The following VEPH1 variants were observed in gnomAD, a reference collection of about 807,000 sequenced individuals.
VEPH1 encodes ventricular zone expressed PH domain containing 1.
A neutral mutation model predicts 85.2 loss-of-function variants in VEPH1; 80 were observed. That is an observed-to-expected ratio of 0.94 (90% CI 0.78 to 1.13). The LOEUF (loss-of-function observed/expected upper bound fraction) is 1.13. VEPH1 is among the 50% of genes most tolerant of loss of function. VEPH1 has a pLI of 0.00. For missense variants in VEPH1, 955 were observed against 980.5 expected, an observed-to-expected ratio of 0.97 and a Z score of 0.35; for synonymous variants, 297 against 348.0, an observed-to-expected ratio of 0.85 and a Z score of 1.63.
At chr3:157,369,118 A>C (rs907425129) in intron 7 of VEPH1, among the ~76,000 whole-genome samples, 9 of 149,102 alleles carry the variant, frequency 6.0e-5, no homozygotes, top group South Asian at 2.1e-4. Flanking sequence ...AAACAACAAC[A>C]ACCACCACAA....
chr3:157,283,302 A>C (rs1286100007), intron 12 of VEPH1, among the ~76,000 whole-genome samples: 6 of 152,222 alleles, frequency 3.9e-5, no homozygotes, highest in Non-Finnish European at 8.8e-5. Context: ...TGACCTTGCG[A>C]AAATTACTTA....
intron 11 of VEPH1, among the ~76,000 whole-genome samples, chr3:157,289,681 G>A (rs567373154): frequency 4.5e-4 from 68 of 152,270 alleles, no homozygotes; most frequent in African/African-American, 1.5e-3. Context: ...ACCCTTCTGG[G>A]TCCTGCAGCT....
chr3:157,494,440 T>G (rs1577812804), intron 2 of VEPH1, among the ~76,000 whole-genome samples: 1 of 152,122 alleles, frequency 6.6e-6, no homozygotes, highest in East Asian at 1.9e-4. Context: ...CCAAGTACAA[T>G]CAAGAAGGTC....
chr3:157,296,017 C>A (rs1178561187), intron 11 of VEPH1, among the ~76,000 whole-genome samples: 3 of 152,004 alleles, frequency 2.0e-5, no homozygotes, highest in Non-Finnish European at 2.9e-5. Context: ...TTTATAGATG[C>A]TGAAATGAAC....
At chr3:157,372,174 G>C (rs1727565112) in intron 7 of VEPH1, among the ~76,000 whole-genome samples, 1 of 152,182 alleles carries the variant, frequency 6.6e-6, no homozygotes, top group African/African-American at 2.4e-5. Context: ...TTTGACACTG[G>C]AAGAGCAGGA....
At chr3:157,296,508 G>A (rs1421342007) in intron 11 of VEPH1, among the ~76,000 whole-genome samples, 1 of 152,204 alleles carries the variant, frequency 6.6e-6, no homozygotes, top group Non-Finnish European at 1.5e-5. Flanking sequence ...GGTGGTGAAA[G>A]TCTTTCTCCT....
rs1035225799 is a variant in VEPH1, at chr3:157,403,305, A to G, written c.906+10576T>C. On this transcript the variant is annotated intron_variant, in intron 6 of 13. Transcript: ENST00000362010. ...CTTAAGCAATAGAAAAGACTTGTAC[A>G]TACCCACCTGTGATATTCCGTGTAA... 7.9e-5 allele frequency among the ~76,000 whole-genome samples: 12 copies of G among 152,208 alleles called. No homozygotes were observed. In the East Asian group the frequency reaches 1.3e-3, roughly 17 times the overall value.
At chr3:157,424,359 ATGGACTAATACAGTAAAT>A (rs1732594745) in intron 5 of VEPH1, among the ~76,000 whole-genome samples, 1 of 152,156 alleles carries the variant, frequency 6.6e-6, no homozygotes. Flanking sequence ...CAGCATGAAA[ATGGACTAATACAGTAAAT>A]TGGTACCAGT....
chr3:157,301,828 C>G (rs1718847231), intron 11 of VEPH1, among the ~76,000 whole-genome samples: 1 of 152,192 alleles, frequency 6.6e-6, no homozygotes. Flanking sequence ...TAGATTGCTT[C>G]AGTCTTCCCA....
intron 3 of VEPH1, among the ~76,000 whole-genome samples, chr3:157,468,505 G>A (rs1208892603): frequency 6.6e-6 from 1 of 152,090 alleles, no homozygotes; most frequent in East Asian, 1.9e-4. Flanking sequence ...AACCCGGGAG[G>A]CGGAGGTTGC....
intron 6 of VEPH1, among the ~76,000 whole-genome samples, chr3:157,397,635 C>T (rs182103133): frequency 3.4e-4 from 52 of 152,300 alleles, no homozygotes; most frequent in African/African-American, 1.1e-3. Context: ...AGGGCCTTCA[C>T]TTCCCTTGTT....
chr3:157,323,586 C>A (rs1377891492), intron 9 of VEPH1, among the ~76,000 whole-genome samples: 1 of 152,172 alleles, frequency 6.6e-6, no homozygotes, highest in Non-Finnish European at 1.5e-5. Context: ...CGTCCCTACC[C>A]AGAGCAAAAG....
chr3:157,351,621 A>G lies in VEPH1; in HGVS notation c.1735+11743T>C, dbSNP rs191320201. Among the ~76,000 whole-genome samples, 8 of 152,236 alleles carry G rather than the reference A, an allele frequency of 5.3e-5. No homozygotes were observed. In the East Asian group the frequency reaches 1.5e-3, roughly 29 times the overall value. ...TTCTGTAGTAGTGCTTCTTACCTTCAATGTGTTATGAAACACCTGGTTGGA... is the reference window on the plus strand; with the variant it reads ...TTCTGTAGTAGTGCTTCTTACCTTCGATGTGTTATGAAACACCTGGTTGGA... On this transcript the variant is annotated intron_variant, in intron 9 of 13. Coordinates refer to ENST00000362010, the MANE Select transcript of VEPH1 (RefSeq NM_001167912.2).
At chr3:157,464,865 T>G (rs1003561482) in intron 3 of VEPH1, among the ~76,000 whole-genome samples, 1 of 152,246 alleles carries the variant, frequency 6.6e-6, no homozygotes, top group Admixed American at 6.5e-5. Flanking sequence ...ATATTAAACC[T>G]CATTTATTAA....
intron 4 of VEPH1, among the ~76,000 whole-genome samples, chr3:157,429,486 G>A (rs552171682): frequency 7.2e-5 from 11 of 152,222 alleles, no homozygotes; most frequent in South Asian, 6.2e-4. Flanking sequence ...TAACGAAAGC[G>A]TGATTCTGGA....
chr3:157,329,026 A>G (rs1722225407), intron 9 of VEPH1, among the ~76,000 whole-genome samples: 1 of 152,228 alleles, frequency 6.6e-6, no homozygotes, highest in African/African-American at 2.4e-5. Flanking sequence ...CAGCTTACAT[A>G]GGTTATGCTT....
intron 4 of VEPH1, chr3:157,438,058 C>T: frequency 1.3e-6 from 1 of 755,064 alleles, no homozygotes; most frequent in Non-Finnish European, 2.1e-6. Flanking sequence ...CACACACACA[C>T]ACACACACAC....
chr3:157,437,016 T>C (rs2109184035), intron 4 of VEPH1: 1 of 1,614,050 alleles, frequency 6.2e-7, no homozygotes, highest in Non-Finnish European at 8.5e-7. Context: ...CTCATGTATG[T>C]GAATTTGGAC....
chr3:157,428,465 A>G lies in VEPH1; in HGVS notation c.553T>C (p.Leu185=). The G allele has an allele frequency of 1.2e-6, 2 of 1,613,964 alleles. No individual in the cohort carries two copies. Among genetic ancestry groups the G allele is most frequent in the Non-Finnish European group, 1.7e-6 (2 of 1,179,976 alleles). The change falls in exon 5 of 14, where the codon TTA becomes CTA. Residue 185 remains leucine (L), a synonymous_variant. Coordinates refer to ENST00000362010, the MANE Select transcript of VEPH1 (RefSeq NM_001167912.2). The part of the protein sequence containing the change: ...LQGNTMLLRV[L]PAVYEKQPQP... The stretch of plus-strand genomic sequence containing the variant: ...GGCTGCTTTTCATACACAGCAGGTA[A>G]CACTCTCAACAACATGGTGTTACCT...
Sources: allele counts gnomAD v4.1 joint callset (sites outside exome capture counted in the v4.1 genomes callset), GRCh38; gene constraint gnomAD v4.1.1; transcripts MANE v1.5; gene names NCBI Gene and HGNC (gene_info 2026-07-23, HGNC 2026-07-21).